LNX1: variants seen among roughly 807,000 people sequenced by gnomAD.
LNX1 encodes ligand of numb-protein X 1, also known as E3 ubiquitin-protein ligase LNX.
A neutral mutation model predicts 68.4 loss-of-function variants in LNX1; 54 were observed. That is an observed-to-expected ratio of 0.79 (90% CI 0.63 to 0.99). The LOEUF (loss-of-function observed/expected upper bound fraction) is 0.99. LNX1 is among the 50% of genes least tolerant of loss of function. LNX1 has a pLI of 0.00. For synonymous variants in LNX1, 336 were observed against 350.0 expected, an observed-to-expected ratio of 0.96 and a Z score of 0.45; for missense variants, 906 against 926.4, an observed-to-expected ratio of 0.98 and a Z score of 0.29.
At position 53,496,268 on chromosome 4, in the gene LNX1, C is replaced by T. The variant is rs560389505; in HGVS notation, c.1105G>A (p.Ala369Thr). The T allele has an allele frequency of 6.2e-7, 1 of 1,614,088 alleles. No individual in the cohort carries two copies. Among genetic ancestry groups the T allele is most frequent in the East Asian group, 2.2e-5 (1 of 44,872 alleles). Residue 369 changes from alanine to threonine, a missense_variant, in exon 6 of 11, where the codon GCC becomes ACC. Physicochemically the swap from Ala to Thr is moderately conservative, Grantham distance 58 (BLOSUM62 0). Coordinates refer to ENST00000263925, the MANE Select transcript of LNX1 (RefSeq NM_001126328.3). ...TCTCGGGGTCTGTAGGCATCCGGGGCCTGTCCATTGTTCCTGCTGCGGAAC... is the reference window on the plus strand; with the variant it reads ...TCTCGGGGTCTGTAGGCATCCGGGGTCTGTCCATTGTTCCTGCTGCGGAAC... ...QKFRSRNNGQ[A>T]PDAYRPRDDS...
At chr4:53,648,490 A>G (rs901206475) in intron 1 of LNX1, among the ~76,000 whole-genome samples, 1 of 152,158 alleles carries the variant, frequency 6.6e-6, no homozygotes, top group Non-Finnish European at 1.5e-5. Context: ...GGTTCTTTAC[A>G]TATTCTGGAT....
At chr4:53,572,126 C>T (rs1333358643) in intron 2 of LNX1, among the ~76,000 whole-genome samples, 4 of 152,154 alleles carry the variant, frequency 2.6e-5, no homozygotes, top group Non-Finnish European at 5.9e-5. Flanking sequence ...GTGTGGCTCC[C>T]ACTCTCAAAC....
chr4:53,466,430 G>C (rs1050939882), intron 9 of LNX1, among the ~76,000 whole-genome samples: 17 of 152,208 alleles, frequency 1.1e-4, no homozygotes, highest in Non-Finnish European at 4.4e-5. Flanking sequence ...CAGAAGATGG[G>C]TGATTTCTGC....
chr4:53,635,171 C>T (rs965952840), intron 1 of LNX1, among the ~76,000 whole-genome samples: 12 of 152,174 alleles, frequency 7.9e-5, no homozygotes, highest in African/African-American at 1.7e-4. Flanking sequence ...GATAAGCCCC[C>T]GCTCCCACAC....
At chr4:53,566,894 G>A (rs1398974695) in intron 2 of LNX1, among the ~76,000 whole-genome samples, 1 of 151,592 alleles carries the variant, frequency 6.6e-6, no homozygotes, top group African/African-American at 2.4e-5. Flanking sequence ...GATCAAAAGA[G>A]ACAAGGCCAT....
rs1210395707 is a variant in LNX1, at chr4:53,542,463, G to T, written c.380+31160C>A. ...CTAAGGGGGCATTAAGCCCAGCCAT[G>T]GGAAGGTGTTTCAAAGAGTGTCCTA... On this transcript the variant is annotated intron_variant, in intron 2 of 10. Coordinates refer to ENST00000263925, the MANE Select transcript of LNX1 (RefSeq NM_001126328.3). 2.6e-5 allele frequency among the ~76,000 whole-genome samples: 4 copies of T among 152,182 alleles called. No individual in the cohort carries two copies. The East Asian group carries it at 7.7e-4, about 29-fold the overall frequency.
At chr4:53,537,603 A>G (rs1254395319) in intron 2 of LNX1, among the ~76,000 whole-genome samples, 1 of 152,136 alleles carries the variant, frequency 6.6e-6, no homozygotes, top group Non-Finnish European at 1.5e-5. Flanking sequence ...CATTAGTGTG[A>G]CTTTGCATCA....
intron 1 of LNX1, chr4:53,575,978 T>A: frequency 5.1e-6 from 8 of 1,560,088 alleles, no homozygotes; most frequent in Non-Finnish European, 6.9e-6. Flanking sequence ...CTGGCAGGCA[T>A]GCACACGCTG....
chr4:53,557,570 T>C (rs1458438467), intron 2 of LNX1, among the ~76,000 whole-genome samples: 1 of 151,408 alleles, frequency 6.6e-6, no homozygotes, highest in Non-Finnish European at 1.5e-5. Context: ...CAGTTCTATT[T>C]ACGGAAGGAA....
At chr4:53,542,458 G>A (rs1160523662) in intron 2 of LNX1, among the ~76,000 whole-genome samples, 9 of 152,192 alleles carry the variant, frequency 5.9e-5, no homozygotes, top group African/African-American at 1.7e-4. Flanking sequence ...ATTAAGCCCA[G>A]CCATGGGAAG....
chr4:53,507,609 T>C, intron 3 of LNX1, 140 bp from the exon 4 acceptor site: 1 of 1,006,832 alleles, frequency 9.9e-7, no homozygotes, highest in Admixed American at 2.8e-5. Context: ...TGCTTACCTG[T>C]ATTTTTTAAG....
chr4:53,603,500 T>C (rs1733104403), intron 2 of LNX1: 1 of 152,186 alleles, frequency 6.6e-6, no homozygotes, highest in Non-Finnish European at 1.5e-5. Context: ...GACTGCTTAA[T>C]TAATAAAAGA....
At chr4:53,568,345 C>T (rs1176750518) in intron 2 of LNX1, among the ~76,000 whole-genome samples, 30 of 151,536 alleles carry the variant, frequency 2.0e-4, no homozygotes, top group Non-Finnish European at 2.8e-4. Context: ...GTTCAATATA[C>T]GCAAATCAAT....
At chr4:53,596,309 T>G (rs189481107), upstream of LNX1, among the ~76,000 whole-genome samples, 14 of 152,298 alleles carry the variant, frequency 9.2e-5, no homozygotes, top group Admixed American at 2.6e-4. Flanking sequence ...GACCTACAGT[T>G]TAGGAGGAAA....
At chr4:53,540,214 T>A (rs1350732849) in intron 2 of LNX1, among the ~76,000 whole-genome samples, 3 of 151,778 alleles carry the variant, frequency 2.0e-5, no homozygotes, top group Non-Finnish European at 2.9e-5. Context: ...AAACCCTGTC[T>A]CTAAAAAAAA....
intron 10 of LNX1, 87 bp from the exon 11 acceptor site, chr4:53,461,129 T>C: frequency 8.7e-7 from 1 of 1,144,372 alleles, no homozygotes; most frequent in East Asian, 2.5e-5. Context: ...TGCTAGATTT[T>C]GCTACATCTG....
chr4:53,496,345 A>T lies in LNX1; in HGVS notation c.1028T>A (p.Leu343His). ...CAGCACCTGGCAGGGCTGCCGCAGG[A>T]GACGCACAGCGTAGTTGTGAGGGAC... is the stretch of plus-strand genomic sequence containing the variant. ...SNVPHNYAVR[L>H]LRQPCQVLWL... Residue 343 changes from leucine to histidine, a missense_variant, in exon 6 of 11, where the codon CTC becomes CAC. Physicochemically the swap from Leu to His is moderately conservative, Grantham distance 99. Coordinates refer to ENST00000263925, the MANE Select transcript of LNX1 (RefSeq NM_001126328.3). 6.2e-7 allele frequency: 1 copy of T among 1,614,118 alleles called. No individual in the cohort carries two copies. Among genetic ancestry groups the T allele is most frequent in the Non-Finnish European group, 8.5e-7 (1 of 1,180,012 alleles).
At position 53,541,136 on chromosome 4, in the gene LNX1, CAAAAAAAAAAG is replaced by C. The variant is rs538547969; in HGVS notation, c.380+32476_380+32486del. Among the ~76,000 whole-genome samples the C allele has an allele frequency of 8.7e-3, 210 of 24,146 alleles. 4 individuals carry two copies. The South Asian group carries it at 0.17, about 20-fold the overall frequency. The allele number at this position is 24,146 out of a possible 152,430, so 15.8% of individuals were successfully genotyped here. A position where few individuals can be genotyped will look rare whatever the true frequency, so the allele number is the denominator to read the frequency against. On this transcript the variant is annotated intron_variant, in intron 2 of 10. Transcript: ENST00000263925. ...TGGGTGACAGAGCGAGACTCTAACT[CAAAAAAAAAAG>C]AAAAAAAAAAAAGAAAGAAAAGAAA... is the stretch of plus-strand genomic sequence containing the variant.
chr4:53,529,414 G>T (rs1482247368), intron 2 of LNX1, among the ~76,000 whole-genome samples: 1 of 152,102 alleles, frequency 6.6e-6, no homozygotes, highest in Admixed American at 6.6e-5. Context: ...GGGTAACGTG[G>T]GTGCTGATTT....
Sources: allele counts gnomAD v4.1 joint callset (sites outside exome capture counted in the v4.1 genomes callset), GRCh38; gene constraint gnomAD v4.1.1; transcripts MANE v1.5; gene names NCBI Gene and HGNC (gene_info 2026-07-23, HGNC 2026-07-21).